Variants in STAG1 observed in about 807,000 individuals in gnomAD.
STAG1 encodes the protein cohesin subunit SA-1.
Under a neutral mutation model 170.9 loss-of-function variants are expected in STAG1, and 26 were observed. That is an observed-to-expected ratio of 0.15 (90% CI 0.11 to 0.21). STAG1 has a LOEUF of 0.21. Among genes scored for constraint, STAG1 ranks in the 10% least tolerant of loss-of-function variants. STAG1 has a pLI of 1.00. For synonymous variants in STAG1, 514 were observed against 497.7 expected, an observed-to-expected ratio of 1.03 and a Z score of -0.44; for missense variants, 964 against 1,509.5, an observed-to-expected ratio of 0.64 and a Z score of 5.99.
chr3:136,395,564 T>C (rs897070286), intron 22 of STAG1, among the ~76,000 whole-genome samples: 3 of 152,092 alleles, frequency 2.0e-5, no homozygotes, highest in African/African-American at 7.2e-5. Flanking sequence ...GAGGTTGCAG[T>C]GAGTCAAGAT....
rs569459087 is a variant in STAG1 at position 136,394,578 on chromosome 3, C to T, written c.2277+4171G>A. 9.9e-5 allele frequency among the ~76,000 whole-genome samples: 15 copies of T among 151,886 alleles called. No individual in the cohort carries two copies. In the South Asian group the frequency reaches 1.5e-3, roughly 15 times the overall value. On this transcript the variant is annotated intron_variant, in intron 22 of 33. Transcript: ENST00000383202. ...ACTGCTTGAGTCTAGGAGTTTGAGA[C>T]TAGCCTGGGTAATATGGTGAAACCC...
chr3:136,527,019 C>A (rs1157518891), intron 6 of STAG1, among the ~76,000 whole-genome samples: 2 of 152,178 alleles, frequency 1.3e-5, no homozygotes, highest in Non-Finnish European at 2.9e-5. Flanking sequence ...TCTGGCTGCC[C>A]TTAACATTTT....
At chr3:136,617,691 T>A (rs558837425) in intron 3 of STAG1, among the ~76,000 whole-genome samples, 18 of 152,002 alleles carry the variant, frequency 1.2e-4, no homozygotes, top group Non-Finnish European at 2.1e-4. Context: ...CAGTCAGAGG[T>A]TGAGAGGAGC....
intron 20 of STAG1, 110 bp from the exon 21 acceptor site, chr3:136,418,082 A>G (rs1000582932): frequency 5.9e-6 from 5 of 841,292 alleles, no homozygotes; most frequent in Non-Finnish European, 9.4e-6. Context: ...GGCTGGGCAC[A>G]CTGGCTCACG....
At chr3:136,368,726 G>C (rs907801535) in intron 24 of STAG1, among the ~76,000 whole-genome samples, 11 of 152,116 alleles carry the variant, frequency 7.2e-5, no homozygotes, top group African/African-American at 7.2e-5. Flanking sequence ...GAAAGACAGA[G>C]CTCTCTATAT....
At chr3:136,425,980 A>C (rs1256831337) in intron 16 of STAG1, among the ~76,000 whole-genome samples, 4 of 149,726 alleles carry the variant, frequency 2.7e-5, no homozygotes, top group Non-Finnish European at 5.9e-5. Flanking sequence ...TTTTTTTTCT[A>C]TGGCATTTTA....
At chr3:136,657,189 CTTTTTTTTTTTT>C (rs67826395) in intron 1 of STAG1, among the ~76,000 whole-genome samples, 2 of 92,262 alleles carry the variant, frequency 2.2e-5, no homozygotes, top group South Asian at 3.8e-4. Context: ...TTCTTTCTTT[CTTTTTTTTTTTT>C]TTTTTTTTTT....
At chr3:136,608,512 G>A (rs1183827223) in intron 3 of STAG1, among the ~76,000 whole-genome samples, 2 of 143,878 alleles carry the variant, frequency 1.4e-5, no homozygotes, top group African/African-American at 5.2e-5. Context: ...GGATGACAGC[G>A]AGACCCTATC....
At chr3:136,498,650 A>G (rs1410976517) in intron 9 of STAG1, among the ~76,000 whole-genome samples, 1 of 151,940 alleles carries the variant, frequency 6.6e-6, no homozygotes, top group Non-Finnish European at 1.5e-5. Flanking sequence ...ATGCACTTAA[A>G]TGTGCAGTTT....
At chr3:136,589,755 A>ACGCT (rs1377003179) in intron 4 of STAG1, among the ~76,000 whole-genome samples, 3 of 151,986 alleles carry the variant, frequency 2.0e-5, no homozygotes, top group African/African-American at 7.2e-5. Context: ...ACATAGTGAA[A>ACGCT]CGCTGTCTCT....
chr3:136,375,905 G>T (rs940095087), intron 23 of STAG1, among the ~76,000 whole-genome samples: 1 of 151,376 alleles, frequency 6.6e-6, no homozygotes, highest in African/African-American at 2.4e-5. Context: ...GGAGGTGGAG[G>T]TTGCAGTGAG....
At chr3:136,392,083 T>A (rs1004019456) in intron 22 of STAG1, among the ~76,000 whole-genome samples, 7 of 152,072 alleles carry the variant, frequency 4.6e-5, no homozygotes, top group Admixed American at 6.6e-5. Context: ...AGAAAAAAAA[T>A]TTTAGAAAAG....
chr3:136,708,839 C>T (rs1290364921), intron 1 of STAG1, among the ~76,000 whole-genome samples: 2 of 151,852 alleles, frequency 1.3e-5, no homozygotes, highest in East Asian at 1.9e-4. Context: ...TAAATCCTGA[C>T]AATTATTTAA....
chr3:136,681,886 G>A (rs1004633338), intron 1 of STAG1, among the ~76,000 whole-genome samples: 5 of 151,880 alleles, frequency 3.3e-5, no homozygotes, highest in African/African-American at 1.2e-4. Flanking sequence ...ATATAACAAA[G>A]GTGGCATATG....
At chr3:136,462,547 T>A (rs147914935) in intron 13 of STAG1, among the ~76,000 whole-genome samples, 2 of 151,974 alleles carry the variant, frequency 1.3e-5, no homozygotes, top group African/African-American at 4.8e-5. Flanking sequence ...TAAAGAGAGG[T>A]TGGTTAATGG....
chr3:136,638,597 T>A (rs2107844397), intron 1 of STAG1, among the ~76,000 whole-genome samples: 1 of 152,200 alleles, frequency 6.6e-6, no homozygotes, highest in South Asian at 2.1e-4. Flanking sequence ...GTTAGCAGCT[T>A]TCTTTTAAAA....
chr3:136,417,945 G>T lies in STAG1; in HGVS notation c.2136C>A (p.Leu712=), dbSNP rs961405293. 1 of 1,613,858 alleles carries T rather than the reference G, an allele frequency of 6.2e-7. No individual in the cohort carries two copies. Among genetic ancestry groups the T allele is most frequent in the South Asian group, 1.1e-5 (1 of 91,078 alleles). The change falls in exon 21 of 34, where the codon CTC becomes CTA. Residue 712 remains leucine, a synonymous_variant. Coordinates refer to ENST00000383202, the MANE Select transcript of STAG1 (RefSeq NM_005862.3). ...HNAHDLTKWD[L]FGNCYRLLKT... ...TCAATAATCTGTAGCAATTACCAAA[G>T]AGATCCCATTTTGTGAGATCATGTG... is the stretch of plus-strand genomic sequence containing the variant.
intron 4 of STAG1, among the ~76,000 whole-genome samples, chr3:136,591,083 A>G (rs1377168560): frequency 6.6e-6 from 1 of 151,424 alleles, no homozygotes; most frequent in African/African-American, 2.4e-5. Flanking sequence ...TAGATTTGTT[A>G]TATTAAGAAA....
At chr3:136,714,933 TATTAAATATATATATA>T (rs1943480042) in intron 1 of STAG1, among the ~76,000 whole-genome samples, 1 of 72,548 alleles carries the variant, frequency 1.4e-5, no homozygotes, top group African/African-American at 7.1e-5. Context: ...CAAATATATA[TATTAAATATATATATA>T]TATATATATA....
Sources: gnomAD v4.1 joint callset for allele counts (sites outside exome capture counted in the v4.1 genomes callset) on GRCh38, gnomAD v4.1.1 for gene constraint, MANE v1.5 for transcripts, NCBI Gene and HGNC (gene_info 2026-07-23, HGNC 2026-07-21) for gene names.